Variants in RPH3A observed in about 807,000 individuals in gnomAD.
RPH3A encodes rabphilin-3A.
Under a neutral mutation model 102.2 loss-of-function variants are expected in RPH3A, and 48 were observed. That is an observed-to-expected ratio of 0.47 (90% CI 0.37 to 0.60). RPH3A has a LOEUF of 0.60. Ranked by LOEUF, RPH3A falls within the 20% of genes least tolerant of loss-of-function variation. The probability of loss-of-function intolerance (pLI) is 0.00; values close to 1 mark genes in which losing one functional copy is unlikely to be tolerated. For missense variants in RPH3A, 781 were observed against 910.1 expected, an observed-to-expected ratio of 0.86 and a Z score of 1.83; for synonymous variants, 310 against 324.3, an observed-to-expected ratio of 0.96 and a Z score of 0.47.
intron 1 of RPH3A, among the ~76,000 whole-genome samples, chr12:112,666,500 T>G (rs2040084252): frequency 6.6e-6 from 1 of 152,142 alleles, no homozygotes; most frequent in Non-Finnish European, 1.5e-5. Flanking sequence ...ACAATCCAGC[T>G]GAGCAGTTGA....
At chr12:112,651,341 C>T (rs2135997387) in intron 1 of RPH3A, among the ~76,000 whole-genome samples, 1 of 152,152 alleles carries the variant, frequency 6.6e-6, no homozygotes, top group African/African-American at 2.4e-5. Context: ...ACCACCCCAG[C>T]CTGGGCAACA....
At position 112,896,656 on chromosome 12, in the gene RPH3A, G is replaced by T; in HGVS notation, c.1961G>T (p.Cys654Phe). ...CTTCCCATTTATCCTCCAGGAGGCT[G>T]CCAGCTGGGGATCTCTGCCAAGGGA... ...IGKSNDYIGG[C>F]QLGISAKGER... The change falls in exon 22 of 22, where the codon TGC (cysteine) becomes TTC (phenylalanine). Residue 654 changes from cysteine (C) to phenylalanine (F), a missense_variant. By Grantham distance (205) the Cys-to-Phe change is radical. Around this residue, in one of 2 missense-constraint regions of RPH3A, gnomAD observed 51 missense variants for 100.1 expected, o/e 0.51. Coordinates refer to ENST00000389385, the MANE Select transcript of RPH3A (RefSeq NM_001143854.2). The T allele has an allele frequency of 6.2e-7, 1 of 1,614,070 alleles. No homozygotes were observed. Among genetic ancestry groups the T allele is most frequent in the East Asian group, 2.2e-5 (1 of 44,882 alleles).
At chr12:112,606,125 GT>G (rs1237299642) in intron 1 of RPH3A, among the ~76,000 whole-genome samples, 1 of 152,074 alleles carries the variant, frequency 6.6e-6, no homozygotes, top group African/African-American at 2.4e-5. Context: ...TCCACAAGCT[GT>G]GACTCTATGT....
At chr12:112,894,777 AATG>A (rs1297382592) in intron 20 of RPH3A, 118 bp downstream of exon 20, 4 of 826,578 alleles carry the variant, frequency 4.8e-6, no homozygotes, top group Non-Finnish European at 5.7e-6. Context: ...AGCCATTTGA[AATG>A]ATGATGTAGA....
intron 3 of RPH3A, among the ~76,000 whole-genome samples, chr12:112,834,050 A>C (rs2042012460): frequency 6.6e-6 from 1 of 152,214 alleles, no homozygotes; most frequent in Admixed American, 6.5e-5. Flanking sequence ...TACCCATGAA[A>C]TCATCACAGT....
chr12:112,597,699 T>A (rs1305604833), intron 1 of RPH3A, among the ~76,000 whole-genome samples: 1 of 152,214 alleles, frequency 6.6e-6, no homozygotes, highest in East Asian at 1.9e-4. Context: ...TCCACTTGTG[T>A]CAGGAAGGTG....
intron 1 of RPH3A, among the ~76,000 whole-genome samples, chr12:112,579,267 C>T (rs1197715549): frequency 6.6e-6 from 1 of 152,174 alleles, no homozygotes; most frequent in Non-Finnish European, 1.5e-5. Flanking sequence ...TGATTGGCTG[C>T]TTTTGGCTTG....
intron 5 of RPH3A, among the ~76,000 whole-genome samples, chr12:112,864,704 C>G (rs983408506): frequency 6.6e-6 from 1 of 152,186 alleles, no homozygotes; most frequent in Non-Finnish European, 1.5e-5. Context: ...GGATCTCTAT[C>G]CAGCCAAATT....
intron 1 of RPH3A, among the ~76,000 whole-genome samples, chr12:112,741,368 A>G (rs1226827285): frequency 6.6e-6 from 1 of 152,106 alleles, no homozygotes; most frequent in African/African-American, 2.4e-5. Flanking sequence ...TTGCTCCTTA[A>G]TCTTGTCTAG....
intron 1 of RPH3A, among the ~76,000 whole-genome samples, chr12:112,745,982 C>T (rs2040742727): frequency 6.6e-6 from 1 of 151,790 alleles, no homozygotes; most frequent in African/African-American, 2.4e-5. Flanking sequence ...CCGAGGAAAT[C>T]CAGGAAGGTC....
At chr12:112,686,787 A>G (rs1021919062) in intron 1 of RPH3A, among the ~76,000 whole-genome samples, 3 of 152,192 alleles carry the variant, frequency 2.0e-5, no homozygotes, top group African/African-American at 7.2e-5. Context: ...CTATGCAGCA[A>G]TAGATCACTG....
chr12:112,649,206 A>T (rs1269444224), intron 1 of RPH3A, among the ~76,000 whole-genome samples: 1 of 152,260 alleles, frequency 6.6e-6, no homozygotes, highest in Non-Finnish European at 1.5e-5. Flanking sequence ...ATAGTGCTAC[A>T]TTCCATTTTA....
chr12:112,592,856 G>A (rs2039489588), intron 1 of RPH3A, among the ~76,000 whole-genome samples: 1 of 152,218 alleles, frequency 6.6e-6, no homozygotes, highest in South Asian at 2.1e-4. Context: ...GCTATGAGCA[G>A]AAGGGGCATA....
intron 1 of RPH3A, among the ~76,000 whole-genome samples, chr12:112,647,585 G>C (rs999717315): frequency 7.0e-6 from 1 of 143,726 alleles, no homozygotes; most frequent in Middle Eastern, 3.6e-3. Context: ...AATGGGGCTA[G>C]AGAGGGTGTG....
intron 1 of RPH3A, among the ~76,000 whole-genome samples, chr12:112,737,874 C>CT (rs2040681228): frequency 1.3e-5 from 2 of 152,180 alleles, no homozygotes; most frequent in African/African-American, 4.8e-5. Flanking sequence ...CTGTGAGGAG[C>CT]TAAGTACCAA....
At chr12:112,660,426 C>T (rs999434721) in intron 1 of RPH3A, among the ~76,000 whole-genome samples, 6 of 152,142 alleles carry the variant, frequency 3.9e-5, no homozygotes, top group Non-Finnish European at 7.4e-5. Flanking sequence ...CTGCCCCATA[C>T]CAATTCCCTT....
chr12:112,711,623 C>T (rs114080860), intron 1 of RPH3A, among the ~76,000 whole-genome samples: 1,795 of 152,194 alleles, frequency 0.012, 43 homozygotes, highest in African/African-American at 0.041. Flanking sequence ...CTTTCCTTTC[C>T]TTGTGGTTGC....
At chr12:112,745,563 A>G (rs2040739939) in intron 1 of RPH3A, among the ~76,000 whole-genome samples, 1 of 152,214 alleles carries the variant, frequency 6.6e-6, no homozygotes, top group Non-Finnish European at 1.5e-5. Flanking sequence ...AGCCATTAAA[A>G]TCCATGTAAG....
chr12:112,860,565 GA>G (rs1359022750), intron 5 of RPH3A, among the ~76,000 whole-genome samples: 6 of 152,208 alleles, frequency 3.9e-5, no homozygotes, highest in Non-Finnish European at 8.8e-5. Context: ...GGAAGAGGCA[GA>G]AAACCCTTTT....
Sources: gnomAD v4.1 joint callset for allele counts (sites outside exome capture counted in the v4.1 genomes callset) on GRCh38, gnomAD v4.1.1 for gene constraint, gnomAD v4.1.1 regional missense constraint, MANE v1.5 for transcripts, NCBI Gene and HGNC (gene_info 2026-07-23, HGNC 2026-07-21) for gene names.